Variants in MTFR2 observed in about 807,000 individuals in gnomAD.
MTFR2 encodes DUF729 domain-containing protein 1.
Under a neutral mutation model 41.2 loss-of-function variants are expected in MTFR2, and 44 were observed. That is an observed-to-expected ratio of 1.07 (90% confidence interval 0.84 to 1.37). The LOEUF (loss-of-function observed/expected upper bound fraction) is 1.37. Among genes scored for constraint, MTFR2 ranks in the 40% most tolerant of loss-of-function variants. The pLI is 0.00. For missense variants in MTFR2, 452 were observed against 459.5 expected, an observed-to-expected ratio of 0.98 and a Z score of 0.15; for synonymous variants, 141 against 154.6, an observed-to-expected ratio of 0.91 and a Z score of 0.65.
intron 7 of MTFR2, among the ~76,000 whole-genome samples, chr6:136,232,215 G>GTC (rs1779779842): frequency 6.6e-6 from 1 of 151,844 alleles, no homozygotes; most frequent in Non-Finnish European, 1.5e-5. Flanking sequence ...GAGTGGCAAT[G>GTC]TGTGTGTGTG....
chr6:136,249,920 G>C (rs1457610207), intron 1 of MTFR2, 56 bp downstream of exon 1: 1 of 152,058 alleles, frequency 6.6e-6, no homozygotes, highest in East Asian at 1.9e-4. Context: ...CGCGTCCCTC[G>C]CTTTGGTCAC....
In MTFR2 at chr6:136,239,679, G is replaced by A. The variant is rs1441537100; in HGVS notation, c.656C>T (p.Ser219Leu). The stretch of plus-strand genomic sequence containing the variant: ...AGGAAAACACGGTGGCTGGAGAGAT[G>A]AAAACTGAGGAGGAAGTGGTGGAGG... ...PPPPPLPPQF[S>L]SLQPPCFPPV... The change falls in exon 6 of 8, where the codon TCA becomes TTA. Residue 219 changes from serine to leucine, a missense_variant. Physicochemically the swap from Ser to Leu is moderately radical, Grantham distance 145. Coordinates refer to ENST00000420702, the MANE Select transcript of MTFR2 (RefSeq NM_001099286.3). The A allele has an allele frequency of 6.2e-7, 1 of 1,613,888 alleles. No individual in the cohort carries two copies. Among genetic ancestry groups the A allele is most frequent in the Non-Finnish European group, 8.5e-7 (1 of 1,180,018 alleles).
rs571502376 is a variant in MTFR2 at position 136,234,017 on chromosome 6, T to C, written c.870-518A>G. Among the ~76,000 whole-genome samples the C allele has an allele frequency of 6.6e-5, 10 of 152,118 alleles. No homozygotes were observed. In the South Asian group the frequency reaches 1.0e-3, roughly 16 times the overall value. On this transcript the variant is annotated intron_variant, in intron 6 of 7. Transcript: ENST00000420702. ...CAATATACAAGTAAGATCATTTGGC[T>C]GGTAATAAGAGCTGTGAATAAAACA...
chr6:136,242,086 A>AC (rs1780092824), intron 4 of MTFR2, among the ~76,000 whole-genome samples: 8 of 148,846 alleles, frequency 5.4e-5, no homozygotes, highest in African/African-American at 2.0e-4. Flanking sequence ...TCTCAAAAAA[A>AC]AAAAAAAAAA....
chr6:136,235,932 A>C (rs1779894090), intron 6 of MTFR2, among the ~76,000 whole-genome samples: 1 of 150,528 alleles, frequency 6.6e-6, no homozygotes, highest in Non-Finnish European at 1.5e-5. Flanking sequence ...CTCCGTCTCA[A>C]AAAAAAAAAG....
At chr6:136,241,365 C>G in intron 5 of MTFR2, 79 bp downstream of exon 5, 1 of 1,102,954 alleles carries the variant, frequency 9.1e-7, no homozygotes. Flanking sequence ...ATATTCAGTA[C>G]AGTATCATGC....
chr6:136,235,418 A>C (rs1221977326), intron 6 of MTFR2, among the ~76,000 whole-genome samples: 1 of 152,172 alleles, frequency 6.6e-6, no homozygotes, highest in Non-Finnish European at 1.5e-5. Flanking sequence ...CTAGAAAAAT[A>C]AACGTTTGAG....
intron 4 of MTFR2, 124 bp downstream of exon 4, chr6:136,242,737 A>G (rs1028467478): frequency 1.9e-5 from 12 of 618,320 alleles, no homozygotes; most frequent in African/African-American, 7.7e-5. Flanking sequence ...TTAAGAAGAT[A>G]CAGTAGGGCA....
In MTFR2 at chr6:136,250,278, G is replaced by A. The variant is rs912524005; in HGVS notation, c.-357C>T. The A allele has an allele frequency of 1.3e-5, 2 of 152,670 alleles. No homozygotes were observed. Among genetic ancestry groups the A allele is most frequent in the African/African-American group, 2.4e-5 (1 of 41,430 alleles). 9.5% of individuals were successfully genotyped at this position (152,670 alleles called of 1,614,324 possible). ...AACCAACCCACCTGCTAGTCCCTAGGACCGGACTGCTACTTCCGCATGACA... is the reference window on the plus strand; with the variant it reads ...AACCAACCCACCTGCTAGTCCCTAGAACCGGACTGCTACTTCCGCATGACA... On this transcript the variant is annotated 5_prime_UTR_variant, in exon 1 of 8. Coordinates refer to ENST00000420702, the MANE Select transcript of MTFR2 (RefSeq NM_001099286.3).
rs138524558 is a variant in MTFR2, at chr6:136,233,497, G to A, written c.872C>T (p.Ser291Leu). The A allele has an allele frequency of 7.5e-6, 11 of 1,471,752 alleles. No homozygotes were observed. The African/African-American group carries it at 9.9e-5, about 13-fold the overall frequency. 91.2% of individuals were successfully genotyped at this position (1,471,752 alleles called of 1,614,324 possible). ...CTTATGAATGGGTCTACCGCCAGGT[G>A]ACCTATTTTTTAAAAAAAAAAATTG... ...NKVKLRAIER[S>L]PGGRPIHKRK... is the part of the protein sequence containing the mutation. Residue 291 changes from serine (S) to leucine (L), a missense_variant and splice_region_variant, in exon 7 of 8, where the codon TCA (serine) becomes TTA (leucine). By Grantham distance (145) the Ser-to-Leu change is moderately radical (BLOSUM62 -2). Coordinates refer to ENST00000420702, the MANE Select transcript of MTFR2 (RefSeq NM_001099286.3).
Position 136,244,817 on chromosome 6 carries a change from C to G in MTFR2, c.116G>C (p.Arg39Pro), listed in dbSNP as rs200368436. The change falls in exon 3 of 8, where the codon CGT becomes CCT. Residue 39 changes from arginine (R) to proline (P), a missense_variant. Transcript: ENST00000420702. ...CAGTGGAAGCATTTTCCCAATAATACGAACAATACTCCTAGTTGATCCATA... is the reference window on the plus strand; with the variant it reads ...CAGTGGAAGCATTTTCCCAATAATAGGAACAATACTCCTAGTTGATCCATA... ...KDYGSTRSIV[R>P]IIGKMLPLEP... 6.8e-6 allele frequency: 11 copies of G among 1,612,514 alleles called. No homozygotes were observed. In the Admixed American group the frequency reaches 1.7e-4, roughly 25 times the overall value.
rs140883495 is a variant in MTFR2 at position 136,239,720 on chromosome 6, C to T, written c.615G>A (p.Val205=). Residue 205 remains valine (V), a synonymous_variant, in exon 6 of 8, where the codon GTG becomes GTA. Coordinates refer to ENST00000420702, the MANE Select transcript of MTFR2 (RefSeq NM_001099286.3). ...SVDPDQLPGS[V]LSPPPPPPLP... is the part of the protein sequence containing the mutation. ...GTGGTGGAGGAGGAGGAGGAGAAAGCACTGAACCTGGAAGCTGATCTGGGT... is the reference window on the plus strand; with the variant it reads ...GTGGTGGAGGAGGAGGAGGAGAAAGTACTGAACCTGGAAGCTGATCTGGGT... The T allele has an allele frequency of 4.7e-4, 759 of 1,613,972 alleles. 1 individual carries two copies. In the East Asian group the frequency reaches 7.2e-3, roughly 15 times the overall value.
chr6:136,247,622 T>C (rs954525325), intron 2 of MTFR2: 13 of 435,380 alleles, frequency 3.0e-5, no homozygotes, highest in African/African-American at 2.7e-4. Flanking sequence ...CTCTCTCAAT[T>C]TCTTTTCACA....
At chr6:136,241,347 T>C (rs537440207) in intron 5 of MTFR2, 97 bp downstream of exon 5, 9 of 895,236 alleles carry the variant, frequency 1.0e-5, no homozygotes, top group Middle Eastern at 3.3e-4. Context: ...TATGCTACTA[T>C]ACGTACTATA....
At chr6:136,249,751 G>A (rs914851042) in intron 1 of MTFR2, among the ~76,000 whole-genome samples, 1 of 152,124 alleles carries the variant, frequency 6.6e-6, no homozygotes. Context: ...TGTAAAATGT[G>A]ACTTTGCTAC....
intron 2 of MTFR2, among the ~76,000 whole-genome samples, chr6:136,247,141 G>A (rs778404057): frequency 1.8e-4 from 27 of 152,176 alleles, no homozygotes; most frequent in Non-Finnish European, 3.5e-4. Flanking sequence ...CTTGAGGTTA[G>A]GAATTCAAGA....
intron 3 of MTFR2, among the ~76,000 whole-genome samples, chr6:136,243,516 G>A (rs1780135571): frequency 1.3e-5 from 2 of 152,030 alleles, no homozygotes; most frequent in South Asian, 2.1e-4. Context: ...AGATCAGCCA[G>A]GGCAACATAG....
intron 2 of MTFR2, among the ~76,000 whole-genome samples, chr6:136,246,011 A>C (rs1243871245): frequency 2.6e-5 from 4 of 152,108 alleles, no homozygotes; most frequent in Non-Finnish European, 5.9e-5. Context: ...TACTAGTAGA[A>C]TATTTGGAGG....
rs765377860 is a variant in MTFR2, at chr6:136,233,368, C to A, written c.1001G>T (p.Arg334Ile). 5.0e-6 allele frequency: 8 copies of A among 1,612,656 alleles called. No homozygotes were observed. In the East Asian group the frequency reaches 1.8e-4, roughly 36 times the overall value. The change falls in exon 7 of 8, where the codon AGA becomes ATA. Residue 334 changes from arginine (R) to isoleucine (I), a missense_variant. Arg to Ile is a moderately conservative substitution (Grantham distance 97). Coordinates refer to ENST00000420702, the MANE Select transcript of MTFR2 (RefSeq NM_001099286.3). ...QEDDSFEKEN[R>I]SWESSPFSSP... is the part of the protein sequence containing the mutation. ...AGAAAATGGGGAAGATTCCCAAGAT[C>A]TATTCTCTTTCTCAAAAGAATCATC...
Sources: allele counts gnomAD v4.1 joint callset (sites outside exome capture counted in the v4.1 genomes callset), GRCh38; gene constraint gnomAD v4.1.1; transcripts MANE v1.5; gene names NCBI Gene and HGNC (gene_info 2026-07-23, HGNC 2026-07-21).